The following CALN1 variants were observed in gnomAD, a reference collection of about 807,000 sequenced individuals.
CALN1 encodes calcium-binding protein 8.
In CALN1, 17 loss-of-function variants were observed where a neutral mutation model predicts 30.6. The observed-to-expected ratio is 0.56, with a 90% CI of 0.38 to 0.83. CALN1 has a LOEUF of 0.83. Among genes scored for constraint, CALN1 ranks in the 40% least tolerant of loss-of-function variants. The pLI is 0.00. For missense variants in CALN1, 291 were observed against 354.9 expected (o/e 0.82, Z 1.45); for synonymous variants, 156 against 131.4 (o/e 1.19, Z -1.28).
intron 4 of CALN1, among the ~76,000 whole-genome samples, chr7:72,099,273 CTTTTTTTT>C (rs386359911): frequency 8.0e-6 from 1 of 125,346 alleles, no homozygotes. Flanking sequence ...CCAAACACTC[CTTTTTTTT>C]TTTTTTTTTT....
At chr7:72,303,970 A>C (rs1799471211) in intron 2 of CALN1, among the ~76,000 whole-genome samples, 1 of 152,240 alleles carries the variant, frequency 6.6e-6, no homozygotes, top group African/African-American at 2.4e-5. Context: ...TATTCACAAA[A>C]TCTTTGGTTT....
chr7:72,490,966 C>T, the CALN1 span, among the ~76,000 whole-genome samples: 20 of 152,096 alleles, frequency 1.3e-4, no homozygotes, highest in Non-Finnish European at 2.6e-4. Flanking sequence ...TGCTCAAGGC[C>T]GGGCGCGGTG....
At chr7:72,407,591 A>G (rs1442923913) in intron 1 of CALN1, among the ~76,000 whole-genome samples, 1 of 152,086 alleles carries the variant, frequency 6.6e-6, no homozygotes, top group Non-Finnish European at 1.5e-5. Context: ...GCCTTCCACC[A>G]TAATTGTAAG....
At chr7:72,096,986 A>T (rs1196044890) in intron 4 of CALN1, among the ~76,000 whole-genome samples, 10 of 152,222 alleles carry the variant, frequency 6.6e-5, no homozygotes, top group African/African-American at 2.4e-4. Flanking sequence ...GCCATAAAAA[A>T]GGATGAGTTC....
intron 2 of CALN1, among the ~76,000 whole-genome samples, chr7:72,302,392 G>T (rs1445279616): frequency 6.6e-6 from 1 of 152,182 alleles, no homozygotes; most frequent in Non-Finnish European, 1.5e-5. Flanking sequence ...CTGCACATCA[G>T]CATCATCAGA....
intron 3 of CALN1, among the ~76,000 whole-genome samples, chr7:72,109,986 G>A (rs1386820143): frequency 3.9e-5 from 6 of 152,204 alleles, no homozygotes; most frequent in East Asian, 1.9e-4. Context: ...CAAGGTCTGC[G>A]GCTGCAGTTA....
intron 2 of CALN1, among the ~76,000 whole-genome samples, chr7:72,354,079 C>T (rs978670102): frequency 2.0e-5 from 3 of 151,942 alleles, no homozygotes; most frequent in Non-Finnish European, 2.9e-5. Context: ...CCCAGCTACT[C>T]GGGAGGCTGA....
At chr7:72,014,511 C>T (rs893297375) in intron 5 of CALN1, among the ~76,000 whole-genome samples, 1 of 152,116 alleles carries the variant, frequency 6.6e-6, no homozygotes, top group Admixed American at 6.6e-5. Flanking sequence ...CCGGTGAGGT[C>T]GAGCTGTTTT....
Position 72,275,759 on chromosome 7 carries a change from A to G in CALN1, c.244+2927T>C, listed in dbSNP as rs76744781. Among the ~76,000 whole-genome samples the G allele has an allele frequency of 1.0e-3, 156 of 152,296 alleles. 1 individual carries two copies. In the East Asian group the frequency reaches 0.022, roughly 22 times the overall value. ...TTACTCTCGCTAATCTACATACTGA[A>G]AAAGTGCATTTCAGTGCTTCTCAAG... On this transcript the variant is annotated intron_variant, in intron 3 of 6. Coordinates refer to ENST00000395275, the MANE Select transcript of CALN1 (RefSeq NM_031468.4).
chr7:72,247,045 T>C (rs1031472930), intron 3 of CALN1, among the ~76,000 whole-genome samples: 2 of 151,754 alleles, frequency 1.3e-5, no homozygotes, highest in African/African-American at 2.4e-5. Flanking sequence ...AGAGCCACTG[T>C]GCCCGGCCAG....
intron 5 of CALN1, among the ~76,000 whole-genome samples, chr7:71,937,369 G>A (rs1795896272): frequency 1.3e-5 from 2 of 151,346 alleles, no homozygotes; most frequent in South Asian, 2.1e-4. Flanking sequence ...TATATATGTA[G>A]ATACACATAT....
At chr7:72,173,686 T>C (rs1789136316) in intron 3 of CALN1, among the ~76,000 whole-genome samples, 1 of 151,986 alleles carries the variant, frequency 6.6e-6, no homozygotes, top group Non-Finnish European at 1.5e-5. Flanking sequence ...AAAAGAAAGG[T>C]GGTTTTGTTT....
chr7:72,496,896 C>CT, the CALN1 span, among the ~76,000 whole-genome samples: 2 of 152,018 alleles, frequency 1.3e-5, no homozygotes, highest in Admixed American at 1.3e-4. Context: ...TTTATTAGGG[C>CT]TTATAGTCTT....
At chr7:72,016,609 G>T (rs942752203) in intron 5 of CALN1, among the ~76,000 whole-genome samples, 3 of 151,576 alleles carry the variant, frequency 2.0e-5, no homozygotes, top group Admixed American at 2.0e-4. Flanking sequence ...GCTAATTTTT[G>T]AATTTTTTGT....
At chr7:71,824,347 G>T (rs764192109) in intron 5 of CALN1, among the ~76,000 whole-genome samples, 1 of 152,090 alleles carries the variant, frequency 6.6e-6, no homozygotes, top group Non-Finnish European at 1.5e-5. Context: ...ACTCTCTACA[G>T]GTGGACTTCC....
chr7:72,398,645 C>T (rs1392914203), intron 2 of CALN1, among the ~76,000 whole-genome samples: 1 of 152,176 alleles, frequency 6.6e-6, no homozygotes, highest in African/African-American at 2.4e-5. Flanking sequence ...CAGCTCTAGA[C>T]CTGTTCCAAA....
At chr7:72,315,650 AGC>A (rs1800390553) in intron 2 of CALN1, among the ~76,000 whole-genome samples, 1 of 151,932 alleles carries the variant, frequency 6.6e-6, no homozygotes, top group Non-Finnish European at 1.5e-5. Flanking sequence ...GGCTGCAGTG[AGC>A]CATGACCATA....
the CALN1 span, among the ~76,000 whole-genome samples, chr7:72,481,923 T>A: frequency 6.6e-6 from 1 of 152,224 alleles, no homozygotes; most frequent in Non-Finnish European, 1.5e-5. Flanking sequence ...GTTTTTCACA[T>A]CTTTATGATC....
rs1377593371 is a variant in CALN1 at position 72,251,730 on chromosome 7, T to C, written c.244+26956A>G. 2.0e-5 allele frequency among the ~76,000 whole-genome samples: 3 copies of C among 152,166 alleles called. No individual in the cohort carries two copies. The East Asian group carries it at 5.8e-4, about 29-fold the overall frequency. On this transcript the variant is annotated intron_variant, in intron 3 of 6. Transcript: ENST00000395275. The stretch of plus-strand genomic sequence containing the variant: ...TTTCTGTAGTGTTTATGGCATCTAA[T>C]AGATTACGTGAATATGAGTGAGTTG...
Sources: allele counts gnomAD v4.1 joint callset (sites outside exome capture counted in the v4.1 genomes callset), GRCh38; gene constraint gnomAD v4.1.1; transcripts MANE v1.5; gene names NCBI Gene and HGNC (gene_info 2026-07-23, HGNC 2026-07-21).